Variants in ALK observed in about 807,000 individuals in gnomAD.
The protein encoded by ALK is ALK tyrosine kinase receptor.
A neutral mutation model predicts 163.1 loss-of-function variants in ALK; 74 were observed. The ratio of observed to expected loss-of-function variants is 0.45; its 90% confidence interval spans 0.38 to 0.55. The LOEUF (loss-of-function observed/expected upper bound fraction) is 0.55. ALK is among the 20% of genes least tolerant of loss of function. ALK has a pLI of 0.00. For synonymous variants in ALK, 960 were observed against 843.2 expected, an observed-to-expected ratio of 1.14 and a Z score of -2.40; for missense variants, 2,063 against 2,105.3, an observed-to-expected ratio of 0.98 and a Z score of 0.39.
chr2:29,795,546 TA>T (rs952800285), intron 1 of ALK, among the ~76,000 whole-genome samples: 6 of 152,312 alleles, frequency 3.9e-5, no homozygotes, highest in Admixed American at 3.9e-4. Flanking sequence ...CTGCAATCTT[TA>T]TAGGATAAAC....
At chr2:29,838,824 C>T (rs1036060314) in intron 1 of ALK, among the ~76,000 whole-genome samples, 17 of 152,070 alleles carry the variant, frequency 1.1e-4, no homozygotes, top group African/African-American at 3.4e-4. Flanking sequence ...TTATATATCT[C>T]AATAGGGAAG....
intron 1 of ALK, among the ~76,000 whole-genome samples, chr2:29,718,606 G>A (rs1368108077): frequency 6.6e-6 from 1 of 152,184 alleles, no homozygotes; most frequent in Non-Finnish European, 1.5e-5. Context: ...AGCTTCCCCG[G>A]AACAGACGCC....
At chr2:29,445,552 C>T (rs1670651895) in intron 4 of ALK, among the ~76,000 whole-genome samples, 1 of 152,222 alleles carries the variant, frequency 6.6e-6, no homozygotes, top group African/African-American at 2.4e-5. Context: ...GTGGCTCATG[C>T]TTATAATCCC....
intron 4 of ALK, among the ~76,000 whole-genome samples, chr2:29,483,410 A>C (rs1486259098): frequency 6.6e-6 from 1 of 152,184 alleles, no homozygotes; most frequent in Non-Finnish European, 1.5e-5. Context: ...CACTCCTGCT[A>C]TTCAAAGTGT....
chr2:29,904,464 G>C (rs1667488491), intron 1 of ALK, among the ~76,000 whole-genome samples: 1 of 152,048 alleles, frequency 6.6e-6, no homozygotes, highest in Non-Finnish European at 1.5e-5. Flanking sequence ...AAATGAGATA[G>C]AAAGGAAGCC....
chr2:29,251,884 C>G (rs1664824150), intron 11 of ALK, among the ~76,000 whole-genome samples: 1 of 152,232 alleles, frequency 6.6e-6, no homozygotes, highest in Non-Finnish European at 1.5e-5. Context: ...CCTGCACTCC[C>G]TGGCCATGGC....
At chr2:29,276,140 GC>G (rs1333396291) in intron 9 of ALK, among the ~76,000 whole-genome samples, 2 of 152,134 alleles carry the variant, frequency 1.3e-5, no homozygotes, top group Non-Finnish European at 2.9e-5. Flanking sequence ...CCATTGATTA[GC>G]CCAGCAGGGG....
intron 1 of ALK, among the ~76,000 whole-genome samples, chr2:29,837,088 G>T (rs1665581610): frequency 6.6e-6 from 1 of 152,200 alleles, no homozygotes; most frequent in African/African-American, 2.4e-5. Flanking sequence ...ACTAGAAGTT[G>T]TCCTCTGTTG....
At chr2:29,854,556 A>G (rs1666089210) in intron 1 of ALK, among the ~76,000 whole-genome samples, 1 of 152,216 alleles carries the variant, frequency 6.6e-6, no homozygotes, top group Admixed American at 6.5e-5. Flanking sequence ...CTGCAAAACT[A>G]TAAGCCAAAA....
At chr2:29,454,800 T>C (rs1670909069) in intron 4 of ALK, among the ~76,000 whole-genome samples, 1 of 152,124 alleles carries the variant, frequency 6.6e-6, no homozygotes, top group African/African-American at 2.4e-5. Context: ...CATAAGTGCC[T>C]ATATACTGGG....
chr2:29,464,251 G>A (rs66867204), intron 4 of ALK, among the ~76,000 whole-genome samples: 25,080 of 152,082 alleles, frequency 0.16, 2,285 homozygotes, highest in East Asian at 0.36. Context: ...AAGTCAAAGC[G>A]ATAATAGAAT....
chr2:29,854,463 C>A lies in ALK; in HGVS notation c.667+65530G>T, dbSNP rs1175453080. 5.9e-5 allele frequency among the ~76,000 whole-genome samples: 9 copies of A among 152,278 alleles called. No individual in the cohort carries two copies. In the South Asian group the frequency reaches 1.7e-3, roughly 28 times the overall value. ...TTACCACATGATATGCTGGCTCCCCCTTTGCCTTCTACCATGATTGTAGGC... is the reference window on the plus strand; with the variant it reads ...TTACCACATGATATGCTGGCTCCCCATTTGCCTTCTACCATGATTGTAGGC... On this transcript the variant is annotated intron_variant, in intron 1 of 28. Coordinates refer to ENST00000389048, the MANE Select transcript of ALK (RefSeq NM_004304.5).
At chr2:29,894,694 A>G (rs1330816384) in intron 1 of ALK, among the ~76,000 whole-genome samples, 1 of 152,248 alleles carries the variant, frequency 6.6e-6, no homozygotes, top group East Asian at 1.9e-4. Context: ...TCATTCTATT[A>G]ATGTTTCATT....
intron 5 of ALK, among the ~76,000 whole-genome samples, chr2:29,360,623 A>G (rs1235365052): frequency 6.6e-6 from 1 of 152,198 alleles, no homozygotes; most frequent in Non-Finnish European, 1.5e-5. Context: ...GAAATGATTC[A>G]TGGACTCTTA....
intron 4 of ALK, among the ~76,000 whole-genome samples, chr2:29,423,971 C>T (rs866624186): frequency 1.3e-5 from 2 of 152,118 alleles, no homozygotes; most frequent in Non-Finnish European, 2.9e-5. Context: ...TAGAGGTAGC[C>T]ATTGTAAAAG....
At chr2:29,715,035 A>G (rs756207559) in intron 2 of ALK, among the ~76,000 whole-genome samples, 29 of 152,188 alleles carry the variant, frequency 1.9e-4, no homozygotes, top group Non-Finnish European at 3.5e-4. Context: ...TGTCTGTCCT[A>G]TGAGCAGTGA....
chr2:29,549,027 GAGA>G (rs1398201539), intron 3 of ALK, among the ~76,000 whole-genome samples: 2 of 61,454 alleles, frequency 3.3e-5, no homozygotes, highest in African/African-American at 1.0e-4. Context: ...CAGAGAGGAG[GAGA>G]AGGAGGAGGA....
Position 29,844,631 on chromosome 2 carries a change from G to C in ALK, c.667+75362C>G, listed in dbSNP as rs990219389. ...TTCTGAAGGTTAGAACCATTGTCCT[G>C]GTTCTTAGGGGAGGAGACTGGAGAC... On this transcript the variant is annotated intron_variant, in intron 1 of 28. Coordinates refer to ENST00000389048, the MANE Select transcript of ALK (RefSeq NM_004304.5). Among the ~76,000 whole-genome samples, 8 of 152,162 alleles carry C rather than the reference G, an allele frequency of 5.3e-5. No individual in the cohort carries two copies. The Middle Eastern group carries it at 0.01, about 195-fold the overall frequency.
chr2:29,676,147 C>T (rs1677866464), intron 3 of ALK, among the ~76,000 whole-genome samples: 1 of 151,964 alleles, frequency 6.6e-6, no homozygotes, highest in African/African-American at 2.4e-5. Flanking sequence ...AGTCTTGTGG[C>T]TTGATTTTTC....
Sources: allele counts gnomAD v4.1 joint callset (sites outside exome capture counted in the v4.1 genomes callset), GRCh38; gene constraint gnomAD v4.1.1; transcripts MANE v1.5; gene names NCBI Gene and HGNC (gene_info 2026-07-23, HGNC 2026-07-21).